DCC: variants seen among roughly 807,000 people sequenced by gnomAD.
DCC encodes the protein netrin receptor DCC.
A neutral mutation model predicts 172.5 loss-of-function variants in DCC; 58 were observed. The ratio of observed to expected loss-of-function variants is 0.34; its 90% CI spans 0.27 to 0.42. DCC has a LOEUF of 0.42. Among genes scored for constraint, DCC ranks in the 10% least tolerant of loss-of-function variants. The pLI, the probability that DCC is intolerant of heterozygous loss-of-function variation, is 1.00. For missense variants in DCC, 1,740 were observed against 1,791.0 expected (o/e 0.97, Z 0.51); for synonymous variants, 709 against 644.5 (o/e 1.10, Z -1.52).
rs552837241 is a variant in DCC at position 53,020,290 on chromosome 18, C to T, written c.986-43015C>T. On this transcript the variant is annotated intron_variant, in intron 5 of 28. Transcript: ENST00000442544. ...ATAGATCATCTTGTTATAATCCCAG[C>T]TTTTATTAAAAATAGTTCTTTTCAT... 2.0e-5 allele frequency among the ~76,000 whole-genome samples: 3 copies of T among 152,240 alleles called. No homozygotes were observed. In the East Asian group the frequency reaches 5.8e-4, roughly 29 times the overall value.
chr18:52,902,331 T>C (rs2039821776), intron 2 of DCC, among the ~76,000 whole-genome samples: 1 of 152,214 alleles, frequency 6.6e-6, no homozygotes, highest in African/African-American at 2.4e-5. Flanking sequence ...ACTGATATTT[T>C]GACTATGTTT....
At position 52,427,835 on chromosome 18, in the gene DCC, T is replaced by TCTTCCTTCCTTTCTTTCTTCCTTCCTTC. The variant is rs1481412682; in HGVS notation, c.91+86968_91+86969insTCTTTCTTCCTTCCTTCCTTCCTTCCTT. ...TCCTTTCTTCCTTCCTTCCTTCCTTTCTTCCTTCCTTCCTTCCTTCCTTCC... is the reference window on the plus strand; with the variant it reads ...TCCTTTCTTCCTTCCTTCCTTCCTTTCTTCCTTCCTTTCTTTCTTCCTTCCTTCCTTCCTTCCTTCCTTCCTTCCTTCC... On this transcript the variant is annotated intron_variant, in intron 1 of 28. Transcript: ENST00000442544. Among the ~76,000 whole-genome samples the TCTTCCTTCCTTTCTTTCTTCCTTCCTTC allele has an allele frequency of 6.8e-3, 312 of 46,038 alleles. 31 individuals carry two copies. Among genetic ancestry groups the TCTTCCTTCCTTTCTTTCTTCCTTCCTTC allele is most frequent in the African/African-American group, 0.018 (297 of 16,434 alleles). 30.2% of individuals were successfully genotyped at this position (46,038 alleles called of 152,430 possible).
chr18:53,026,595 A>C (rs34569535), intron 5 of DCC, among the ~76,000 whole-genome samples: 50,670 of 151,982 alleles, frequency 0.33, 9,512 homozygotes, highest in Non-Finnish European at 0.44. Flanking sequence ...TCTCTCTGTC[A>C]CCTAGGTTGA....
At chr18:52,894,817 G>T (rs1376282642) in intron 2 of DCC, among the ~76,000 whole-genome samples, 4 of 152,114 alleles carry the variant, frequency 2.6e-5, no homozygotes, top group African/African-American at 9.7e-5. Context: ...GCCTTTAACG[G>T]ATTGGATAAA....
intron 1 of DCC, among the ~76,000 whole-genome samples, chr18:52,366,062 A>G (rs1280161563): frequency 6.6e-6 from 1 of 152,196 alleles, no homozygotes; most frequent in Non-Finnish European, 1.5e-5. Flanking sequence ...TATGCATTTT[A>G]CAACCTTTGT....
intron 2 of DCC, among the ~76,000 whole-genome samples, chr18:52,889,850 A>G (rs1568170312): frequency 6.6e-6 from 1 of 152,166 alleles, no homozygotes; most frequent in African/African-American, 2.4e-5. Flanking sequence ...AGAATATTTT[A>G]GAGTTATCTT....
At chr18:52,426,643 G>C (rs968872506) in intron 1 of DCC, among the ~76,000 whole-genome samples, 3 of 144,844 alleles carry the variant, frequency 2.1e-5, no homozygotes, top group Non-Finnish European at 3.0e-5. Flanking sequence ...TGATAGTTCT[G>C]AGAAGAGAAT....
At chr18:52,539,311 A>C (rs543856136) in intron 1 of DCC, among the ~76,000 whole-genome samples, 60 of 151,588 alleles carry the variant, frequency 4.0e-4, no homozygotes, top group African/African-American at 1.3e-3. Context: ...AAATCCATGA[A>C]AAAAAAAATA....
At chr18:52,873,737 G>T (rs1052632145) in intron 2 of DCC, among the ~76,000 whole-genome samples, 2 of 152,130 alleles carry the variant, frequency 1.3e-5, no homozygotes, top group Non-Finnish European at 1.5e-5. Context: ...ACAGAAGGTG[G>T]CATAAGTAGA....
chr18:53,239,237 A>C (rs557113537), intron 12 of DCC, among the ~76,000 whole-genome samples: 13 of 151,198 alleles, frequency 8.6e-5, no homozygotes, highest in African/African-American at 3.1e-4. Flanking sequence ...GAAAAAAAAA[A>C]AACTCCAGCA....
chr18:53,295,201 G>A (rs959466937), intron 12 of DCC, among the ~76,000 whole-genome samples: 2 of 151,742 alleles, frequency 1.3e-5, no homozygotes, highest in African/African-American at 2.4e-5. Context: ...ATGAAATTAC[G>A]GATCTCAACT....
chr18:52,989,981 C>T lies in DCC; in HGVS notation c.985+64611C>T, dbSNP rs532844256. ...TCTGAGATGTAAAAAGATACTGCCT[C>T]GATTTTGGTTAATACCACTTTGGAA... On this transcript the variant is annotated intron_variant, in intron 5 of 28. Transcript: ENST00000442544. Among the ~76,000 whole-genome samples the T allele has an allele frequency of 2.3e-4, 35 of 152,186 alleles. No homozygotes were observed. The East Asian group carries it at 2.3e-3, about 10-fold the overall frequency.
intron 5 of DCC, among the ~76,000 whole-genome samples, chr18:52,989,295 G>A (rs2041344596): frequency 6.6e-6 from 1 of 152,138 alleles, no homozygotes; most frequent in Admixed American, 6.5e-5. Context: ...GGCCCAGGCG[G>A]GTGGTTCACT....
intron 5 of DCC, among the ~76,000 whole-genome samples, chr18:53,007,313 C>A (rs1009266618): frequency 2.0e-5 from 3 of 152,024 alleles, no homozygotes; most frequent in African/African-American, 4.8e-5. Flanking sequence ...TAGGTTTAGA[C>A]GTGAATGTCA....
intron 7 of DCC, among the ~76,000 whole-genome samples, chr18:53,068,209 G>A (rs1268490835): frequency 6.6e-6 from 1 of 152,104 alleles, no homozygotes; most frequent in African/African-American, 2.4e-5. Context: ...ATAAGTAGGA[G>A]AAAAGGAACC....
At chr18:52,954,769 G>T (rs1284319971) in intron 5 of DCC, among the ~76,000 whole-genome samples, 2 of 152,104 alleles carry the variant, frequency 1.3e-5, no homozygotes, top group East Asian at 3.9e-4. Context: ...TCAGTCTCTT[G>T]TAAGTCTATT....
At chr18:53,250,380 G>C (rs191790835) in intron 12 of DCC, among the ~76,000 whole-genome samples, 1 of 115,700 alleles carries the variant, frequency 8.6e-6, no homozygotes, top group Admixed American at 1.1e-4. Context: ...ACTGCACCCT[G>C]AATTGTGCTT....
intron 2 of DCC, among the ~76,000 whole-genome samples, chr18:52,872,024 C>A (rs2039328349): frequency 6.6e-6 from 1 of 152,062 alleles, no homozygotes; most frequent in Non-Finnish European, 1.5e-5. Context: ...AACTGTAGGG[C>A]CAAGGGAAAA....
At chr18:53,205,695 A>T (rs918153833) in intron 10 of DCC, among the ~76,000 whole-genome samples, 6 of 152,168 alleles carry the variant, frequency 3.9e-5, no homozygotes, top group Non-Finnish European at 8.8e-5. Flanking sequence ...TTGCAGTTTT[A>T]TTCCTTAGAC....
Sources: allele counts gnomAD v4.1 joint callset (sites outside exome capture counted in the v4.1 genomes callset), GRCh38; gene constraint gnomAD v4.1.1; transcripts MANE v1.5; gene names NCBI Gene and HGNC (gene_info 2026-07-23, HGNC 2026-07-21).